ZFHX3: variants seen among roughly 807,000 people sequenced by gnomAD.
The protein encoded by ZFHX3 is zinc finger homeobox protein 3.
A neutral mutation model predicts 279.1 loss-of-function variants in ZFHX3; 42 were observed. That is an observed-to-expected ratio of 0.15 (90% CI 0.12 to 0.19). ZFHX3 has a LOEUF of 0.19. Ranked by LOEUF, ZFHX3 falls within the 10% of genes least tolerant of loss-of-function variation. The pLI is 1.00. For synonymous variants in ZFHX3, 2,293 were observed against 1,957.8 expected (o/e 1.17, Z -4.52); for missense variants, 4,981 against 4,754.0 (o/e 1.05, Z -1.40).
intron 1 of ZFHX3, among the ~76,000 whole-genome samples, chr16:73,806,873 T>C (rs1451177405): frequency 6.6e-6 from 1 of 152,138 alleles, no homozygotes; most frequent in East Asian, 1.9e-4. Context: ...GGTTATTGGC[T>C]GTGAACTAGA....
chr16:73,364,769 C>T (rs888646263), intron 3 of ZFHX3, among the ~76,000 whole-genome samples: 1 of 152,200 alleles, frequency 6.6e-6, no homozygotes, highest in African/African-American at 2.4e-5. Flanking sequence ...GGTTCCATCT[C>T]CCTTTGTCTC....
chr16:73,296,896 T>TTTTTTTTTTTTTTAAG (rs2014929615), intron 4 of ZFHX3, among the ~76,000 whole-genome samples: 2 of 145,520 alleles, frequency 1.4e-5, no homozygotes, highest in Admixed American at 6.8e-5. Flanking sequence ...TTTTTTTTTT[T>TTTTTTTTTTTTTTAAG]GAGACGGAGT....
intron 1 of ZFHX3, among the ~76,000 whole-genome samples, chr16:73,725,458 G>C (rs2053510119): frequency 6.6e-6 from 1 of 152,146 alleles, no homozygotes; most frequent in Admixed American, 6.5e-5. Flanking sequence ...TCATCACTGG[G>C]AGGGGCAAAG....
At chr16:73,584,180 T>C (rs1177496505) in intron 2 of ZFHX3, among the ~76,000 whole-genome samples, 3 of 150,392 alleles carry the variant, frequency 2.0e-5, no homozygotes, top group Non-Finnish European at 4.4e-5. Flanking sequence ...GAGGAAGAAG[T>C]TCTAACATAC....
At chr16:73,396,592 G>C (rs2017133622) in intron 3 of ZFHX3, among the ~76,000 whole-genome samples, 1 of 152,234 alleles carries the variant, frequency 6.6e-6, no homozygotes, top group South Asian at 2.1e-4. Flanking sequence ...AAGGCAAAGG[G>C]GAAGCAAGTA....
chr16:72,986,526 C>T (rs1400354500), intron 1 of ZFHX3, among the ~76,000 whole-genome samples: 1 of 152,196 alleles, frequency 6.6e-6, no homozygotes, highest in East Asian at 1.9e-4. Context: ...GCTTGGGTCC[C>T]AAGTTCTATC....
At chr16:73,725,347 G>C (rs1428676740) in intron 1 of ZFHX3, among the ~76,000 whole-genome samples, 1 of 152,164 alleles carries the variant, frequency 6.6e-6, no homozygotes, top group Non-Finnish European at 1.5e-5. Context: ...AGCAGGGAGG[G>C]AGACATGTGT....
At chr16:73,877,873 T>C (rs766014318) in intron 1 of ZFHX3, among the ~76,000 whole-genome samples, 12 of 152,074 alleles carry the variant, frequency 7.9e-5, no homozygotes, top group Non-Finnish European at 1.5e-4. Context: ...GGTGATTTCA[T>C]CTTCAAAGTT....
chr16:73,384,051 T>C (rs142578687), intron 3 of ZFHX3, among the ~76,000 whole-genome samples: 1,781 of 152,362 alleles, frequency 0.012, 13 homozygotes, highest in Middle Eastern at 0.02. Context: ...AATCACGTTC[T>C]AATAATCCAT....
rs543575808 is a variant in ZFHX3 at position 72,784,129 on chromosome 16, G to A, written c.*3035C>T. On this transcript the variant is annotated 3_prime_UTR_variant, in exon 10 of 10. Coordinates refer to ENST00000268489, the MANE Select transcript of ZFHX3 (RefSeq NM_006885.4). ...CTCTGAGAACACTAGGTGGGTGGAA[G>A]TGTGCTCAGCCAATCTATTCAACCA... The A allele has an allele frequency of 4.1e-4, 63 of 152,676 alleles. No individual in the cohort carries two copies. Among genetic ancestry groups the A allele is most frequent in the African/African-American group, 1.4e-3 (60 of 41,534 alleles). 9.5% of individuals were successfully genotyped at this position (152,676 alleles called of 1,614,324 possible). A position where few individuals can be genotyped will look rare whatever the true frequency, so the allele number is the denominator to read the frequency against.
intron 2 of ZFHX3, among the ~76,000 whole-genome samples, chr16:73,629,949 A>G (rs1256909525): frequency 6.6e-6 from 1 of 152,210 alleles, no homozygotes; most frequent in Admixed American, 6.5e-5. Flanking sequence ...CTTGATGTAA[A>G]TGAAAATAAA....
intron 5 of ZFHX3, among the ~76,000 whole-genome samples, chr16:73,146,593 C>G (rs1403602166): frequency 6.6e-6 from 1 of 152,080 alleles, no homozygotes; most frequent in Non-Finnish European, 1.5e-5. Context: ...TGAGTTATGC[C>G]TTGAGAAAAC....
At chr16:73,322,677 T>C (rs1049112846) in intron 3 of ZFHX3, among the ~76,000 whole-genome samples, 2 of 152,228 alleles carry the variant, frequency 1.3e-5, no homozygotes, top group African/African-American at 4.8e-5. Flanking sequence ...GTGATCTAAC[T>C]AGGAAGCATC....
chr16:72,910,948 A>G (rs922437513), intron 3 of ZFHX3, among the ~76,000 whole-genome samples: 5 of 152,162 alleles, frequency 3.3e-5, no homozygotes, highest in Non-Finnish European at 5.9e-5. Flanking sequence ...TGGGTTTGCA[A>G]TCCCTGGGTC....
In ZFHX3 at chr16:72,994,085, C is replaced by T. The variant is rs575450064; in HGVS notation, c.-49-33891G>A. Among the ~76,000 whole-genome samples, 205 of 152,290 alleles carry T rather than the reference C, an allele frequency of 1.3e-3. 1 individual carries two copies. Among genetic ancestry groups the T allele is most frequent in the African/African-American group, 4.9e-3 (202 of 41,564 alleles). On this transcript the variant is annotated intron_variant, in intron 1 of 9. Transcript: ENST00000268489. ...GGTCTCCACCAGAATTCTTCTGTTC[C>T]CTATCACTTAATCATTTTTTAATCC...
At chr16:72,995,897 G>A (rs1038587684) in intron 1 of ZFHX3, among the ~76,000 whole-genome samples, 2 of 152,252 alleles carry the variant, frequency 1.3e-5, no homozygotes, top group Admixed American at 6.5e-5. Flanking sequence ...GCTGCCCAGG[G>A]CCTTAGGCTC....
intron 1 of ZFHX3, among the ~76,000 whole-genome samples, chr16:73,041,321 G>C (rs908924373): frequency 2.6e-5 from 4 of 152,020 alleles, no homozygotes; most frequent in African/African-American, 9.7e-5. Context: ...AGGTGTAAAA[G>C]TTCTCTGCTT....
chr16:72,978,700 C>T (rs1962460885), intron 1 of ZFHX3, among the ~76,000 whole-genome samples: 1 of 152,220 alleles, frequency 6.6e-6, no homozygotes, highest in African/African-American at 2.4e-5. Context: ...ACAGCAAAGT[C>T]TTCCAGGGAT....
chr16:73,793,327 G>A (rs888273937), intron 1 of ZFHX3, among the ~76,000 whole-genome samples: 1 of 152,212 alleles, frequency 6.6e-6, no homozygotes, highest in African/African-American at 2.4e-5. Flanking sequence ...CAAAGAAAGA[G>A]AGTGATACCT....
Sources: allele counts gnomAD v4.1 joint callset (sites outside exome capture counted in the v4.1 genomes callset), GRCh38; gene constraint gnomAD v4.1.1; transcripts MANE v1.5; gene names NCBI Gene and HGNC (gene_info 2026-07-23, HGNC 2026-07-21).